Variants in CHODL observed in about 807,000 individuals in gnomAD.
CHODL encodes transmembrane protein MT75.
In CHODL, 29 loss-of-function variants were observed where a neutral mutation model predicts 34.5. The ratio of observed to expected loss-of-function variants is 0.84; its 90% CI spans 0.63 to 1.15. The LOEUF (loss-of-function observed/expected upper bound fraction) is 1.15, where lower values mean the gene tolerates loss of function less well. Among genes scored for constraint, CHODL ranks in the 50% most tolerant of loss-of-function variants. CHODL has a pLI of 0.00. For missense variants in CHODL, 332 were observed against 332.5 expected, an observed-to-expected ratio of 1.00 and a Z score of 0.01; for synonymous variants, 125 against 116.1, an observed-to-expected ratio of 1.08 and a Z score of -0.49.
At chr21:18,223,538 T>A (rs942098374) in intron 2 of CHODL, among the ~76,000 whole-genome samples, 5 of 152,166 alleles carry the variant, frequency 3.3e-5, no homozygotes, top group Admixed American at 1.3e-4. Flanking sequence ...AGGGTCAGAC[T>A]GCATGTGGTA....
chr21:18,030,002 T>C (rs1262214190), intron 2 of CHODL, among the ~76,000 whole-genome samples: 1 of 152,040 alleles, frequency 6.6e-6, no homozygotes, highest in Non-Finnish European at 1.5e-5. Flanking sequence ...GTCAATTATG[T>C]AAGGTACTGG....
At chr21:18,158,982 A>G (rs1158727695) in intron 2 of CHODL, among the ~76,000 whole-genome samples, 2 of 152,196 alleles carry the variant, frequency 1.3e-5, no homozygotes, top group Non-Finnish European at 2.9e-5. Flanking sequence ...CCAACATTTG[A>G]CAGCACTTTC....
At chr21:18,241,996 CTT>C (rs796754504), upstream of CHODL, among the ~76,000 whole-genome samples, 7 of 142,498 alleles carry the variant, frequency 4.9e-5, no homozygotes, top group Admixed American at 7.0e-5. Flanking sequence ...TCATTTGAGT[CTT>C]TTTTTTTTTT....
At chr21:18,234,104 A>AAGTG (rs1449440690) in intron 2 of CHODL, among the ~76,000 whole-genome samples, 2 of 152,110 alleles carry the variant, frequency 1.3e-5, no homozygotes, top group Non-Finnish European at 2.9e-5. Flanking sequence ...AACAAATCAT[A>AAGTG]CCTTATTATT....
At chr21:18,186,418 A>T (rs1156397734) in intron 2 of CHODL, among the ~76,000 whole-genome samples, 1 of 152,054 alleles carries the variant, frequency 6.6e-6, no homozygotes, top group Non-Finnish European at 1.5e-5. Flanking sequence ...ATTAAAAAAA[A>T]AAAGTCATGT....
intron 1 of CHODL, among the ~76,000 whole-genome samples, chr21:18,255,165 C>A (rs2074301392): frequency 6.6e-6 from 1 of 151,960 alleles, no homozygotes; most frequent in African/African-American, 2.4e-5. Flanking sequence ...AACTTCCCTT[C>A]CAAATTCAGA....
At chr21:18,203,386 G>A (rs2073676676) in intron 2 of CHODL, among the ~76,000 whole-genome samples, 2 of 152,130 alleles carry the variant, frequency 1.3e-5, no homozygotes. Context: ...ATGTAAAAAT[G>A]TGTGCATAAA....
intron 2 of CHODL, among the ~76,000 whole-genome samples, chr21:18,113,460 A>C (rs980103263): frequency 6.6e-6 from 1 of 152,234 alleles, no homozygotes; most frequent in Non-Finnish European, 1.5e-5. Context: ...ATTGGCTCAC[A>C]GTTCTGCAAG....
chr21:17,930,363 A>G (rs1480181018), intron 1 of CHODL, among the ~76,000 whole-genome samples: 3 of 152,064 alleles, frequency 2.0e-5, no homozygotes, highest in Admixed American at 6.5e-5. Flanking sequence ...GTAGGGAGGG[A>G]ACAGGGAGAC....
At chr21:17,925,223 G>A (rs2824556) in intron 1 of CHODL, among the ~76,000 whole-genome samples, 9,589 of 152,268 alleles carry the variant, frequency 0.063, 837 homozygotes, top group African/African-American at 0.19. Flanking sequence ...CTAGTACCAT[G>A]CTACAGTGTG....
chr21:18,165,254 A>C (rs2073138835), intron 2 of CHODL, among the ~76,000 whole-genome samples: 1 of 152,256 alleles, frequency 6.6e-6, no homozygotes, highest in African/African-American at 2.4e-5. Flanking sequence ...TTGACAGAAA[A>C]AATCACCATC....
intron 2 of CHODL, among the ~76,000 whole-genome samples, chr21:18,214,543 A>G (rs1237096348): frequency 6.6e-6 from 1 of 151,822 alleles, no homozygotes; most frequent in Non-Finnish European, 1.5e-5. Flanking sequence ...CTTCAGAGAG[A>G]TTTTTTGCCT....
chr21:18,161,130 GAA>G (rs113661679), intron 2 of CHODL, among the ~76,000 whole-genome samples: 15,811 of 151,984 alleles, frequency 0.1, 903 homozygotes, highest in Middle Eastern at 0.15. Flanking sequence ...TTTTCTTTTG[GAA>G]AGTGTCTGTT....
At chr21:17,933,658 C>T (rs1459087196) in intron 1 of CHODL, among the ~76,000 whole-genome samples, 1 of 135,706 alleles carries the variant, frequency 7.4e-6, no homozygotes, top group East Asian at 2.4e-4. Flanking sequence ...GACACAGTAA[C>T]AATCCGATCT....
chr21:18,111,642 T>C (rs1180888965), intron 2 of CHODL, among the ~76,000 whole-genome samples: 1 of 152,190 alleles, frequency 6.6e-6, no homozygotes, highest in Admixed American at 6.5e-5. Context: ...TCTCCCACTT[T>C]TGCTTTTAGG....
At chr21:18,223,434 T>G (rs1409175325) in intron 2 of CHODL, among the ~76,000 whole-genome samples, 2 of 152,152 alleles carry the variant, frequency 1.3e-5, no homozygotes, top group African/African-American at 4.8e-5. Context: ...GGAGAAATGG[T>G]CCATGAAATT....
intron 2 of CHODL, among the ~76,000 whole-genome samples, chr21:18,216,716 G>A (rs924789551): frequency 1.3e-5 from 2 of 152,286 alleles, no homozygotes; most frequent in African/African-American, 2.4e-5. Context: ...GGAGGAATCA[G>A]GAAACTTACA....
intron 2 of CHODL, among the ~76,000 whole-genome samples, chr21:18,224,541 T>C (rs115821835): frequency 0.022 from 3,411 of 152,262 alleles, 138 homozygotes; most frequent in African/African-American, 0.078. Flanking sequence ...TGAGGGATGG[T>C]ACCCACCAGA....
At chr21:18,105,090 T>C (rs1266623048) in intron 2 of CHODL, among the ~76,000 whole-genome samples, 2 of 152,262 alleles carry the variant, frequency 1.3e-5, no homozygotes, top group Non-Finnish European at 2.9e-5. Context: ...TAGATATTTT[T>C]TCTCCTTTTT....
Sources: allele counts gnomAD v4.1 joint callset (sites outside exome capture counted in the v4.1 genomes callset), GRCh38; gene constraint gnomAD v4.1.1; transcripts MANE v1.5; gene names NCBI Gene and HGNC (gene_info 2026-07-23, HGNC 2026-07-21).